The following SUGCT variants were observed in gnomAD, a reference collection of about 807,000 sequenced individuals.
The protein encoded by SUGCT is succinyl-CoA:glutarate CoA-transferase.
A neutral mutation model predicts 55.0 loss-of-function variants in SUGCT; 41 were observed. That is an observed-to-expected ratio of 0.74 (90% CI 0.58 to 0.97). The LOEUF (loss-of-function observed/expected upper bound fraction) is 0.97. SUGCT is among the 50% of genes least tolerant of loss of function. The probability of loss-of-function intolerance (pLI) is 0.00; values close to 1 mark genes in which losing one functional copy is unlikely to be tolerated. For synonymous variants in SUGCT, 187 were observed against 200.4 expected, an observed-to-expected ratio of 0.93 and a Z score of 0.56; for missense variants, 568 against 547.8, an observed-to-expected ratio of 1.04 and a Z score of -0.37.
At chr7:40,716,399 G>A (rs1174023543) in intron 12 of SUGCT, among the ~76,000 whole-genome samples, 1 of 152,196 alleles carries the variant, frequency 6.6e-6, no homozygotes, top group Non-Finnish European at 1.5e-5. Context: ...TGTCATCTCT[G>A]CAGAAGGTCC....
intron 6 of SUGCT, among the ~76,000 whole-genome samples, chr7:40,207,035 T>C (rs1787014730): frequency 2.6e-5 from 4 of 151,600 alleles, no homozygotes; most frequent in Admixed American, 2.6e-4. Context: ...TCTGACTCTA[T>C]AAAAAATAAA....
At chr7:40,651,272 A>C (rs1488064553) in intron 12 of SUGCT, among the ~76,000 whole-genome samples, 2 of 152,208 alleles carry the variant, frequency 1.3e-5, no homozygotes, top group Admixed American at 1.3e-4. Flanking sequence ...TTGGCTTCTT[A>C]ATAATCACCA....
the SUGCT span, among the ~76,000 whole-genome samples, chr7:40,866,712 GT>G: frequency 6.6e-6 from 1 of 151,788 alleles, no homozygotes; most frequent in Non-Finnish European, 1.5e-5. Flanking sequence ...AGTCCCAAAC[GT>G]TTTGTCTCAT....
chr7:40,911,932 G>C, the SUGCT span, among the ~76,000 whole-genome samples: 1 of 152,122 alleles, frequency 6.6e-6, no homozygotes, highest in Non-Finnish European at 1.5e-5. Context: ...ACAGGTGTCA[G>C]CTAATCATAT....
In SUGCT at chr7:40,731,797, G is replaced by C. The variant is rs913765950; in HGVS notation, c.1090-17637G>C. Among the ~76,000 whole-genome samples the C allele has an allele frequency of 3.9e-5, 6 of 152,152 alleles. No individual in the cohort carries two copies. The South Asian group carries it at 8.3e-4, about 21-fold the overall frequency. On this transcript the variant is annotated intron_variant, in intron 12 of 13. Transcript: ENST00000335693. ...GATGAAAACAATAATATTTCTTTATGAAAATAGCTGCAATAGAATACCATC... is the reference window on the plus strand; with the variant it reads ...GATGAAAACAATAATATTTCTTTATCAAAATAGCTGCAATAGAATACCATC...
At chr7:40,847,012 C>T (rs907972188) in intron 13 of SUGCT, among the ~76,000 whole-genome samples, 3 of 152,200 alleles carry the variant, frequency 2.0e-5, no homozygotes, top group African/African-American at 7.2e-5. Flanking sequence ...CTAGTATCAT[C>T]ATTCCACTGG....
intron 12 of SUGCT, among the ~76,000 whole-genome samples, chr7:40,650,925 T>C (rs1436118436): frequency 1.3e-5 from 2 of 152,190 alleles, no homozygotes; most frequent in Admixed American, 6.5e-5. Context: ...TGTGTCCATG[T>C]GTTCTCATTG....
At chr7:41,029,467 T>C in the SUGCT span, among the ~76,000 whole-genome samples, 6 of 152,132 alleles carry the variant, frequency 3.9e-5, no homozygotes, top group Admixed American at 2.0e-4. Flanking sequence ...GATGGATGGA[T>C]GTCCATGAAA....
intron 8 of SUGCT, 81 bp downstream of exon 8, chr7:40,274,737 A>T: frequency 7.6e-7 from 1 of 1,315,748 alleles, no homozygotes; most frequent in Non-Finnish European, 1.1e-6. Flanking sequence ...TTCTATGGTC[A>T]CATGTACAAA....
At chr7:40,725,843 T>TA (rs1426585598) in intron 12 of SUGCT, among the ~76,000 whole-genome samples, 2 of 152,114 alleles carry the variant, frequency 1.3e-5, no homozygotes, top group African/African-American at 2.4e-5. Context: ...AACCCTTTTA[T>TA]AGCCTTGATT....
At chr7:40,700,208 C>A (rs1435025183) in intron 12 of SUGCT, among the ~76,000 whole-genome samples, 1 of 152,072 alleles carries the variant, frequency 6.6e-6, no homozygotes, top group Non-Finnish European at 1.5e-5. Flanking sequence ...TGCCTTACAC[C>A]CTGTGTTTTA....
At chr7:40,829,897 A>C (rs376843356) in intron 13 of SUGCT, among the ~76,000 whole-genome samples, 1 of 152,202 alleles carries the variant, frequency 6.6e-6, no homozygotes, top group Admixed American at 6.5e-5. Flanking sequence ...TTCATGTAGC[A>C]TGTGGCAAAC....
chr7:41,002,067 C>T, the SUGCT span, among the ~76,000 whole-genome samples: 1 of 152,150 alleles, frequency 6.6e-6, no homozygotes, highest in East Asian at 1.9e-4. Context: ...GTTGCCAAGG[C>T]TGGAGTGCGG....
At chr7:40,411,898 C>T (rs1011202726) in intron 9 of SUGCT, among the ~76,000 whole-genome samples, 1 of 152,080 alleles carries the variant, frequency 6.6e-6, no homozygotes, top group Non-Finnish European at 1.5e-5. Flanking sequence ...ATATGTACAT[C>T]TATTATGACT....
intron 12 of SUGCT, among the ~76,000 whole-genome samples, chr7:40,718,244 T>C (rs970533639): frequency 1.3e-5 from 2 of 152,238 alleles, no homozygotes; most frequent in African/African-American, 4.8e-5. Context: ...ATTAAGACTC[T>C]AACCTCTGCA....
chr7:40,819,039 G>A (rs763562479), intron 13 of SUGCT, among the ~76,000 whole-genome samples: 9 of 151,750 alleles, frequency 5.9e-5, no homozygotes, highest in Non-Finnish European at 1.3e-4. Context: ...ATAGTTTGCC[G>A]AGAATGATGG....
At chr7:40,479,508 C>T (rs1790905476) in intron 11 of SUGCT, among the ~76,000 whole-genome samples, 1 of 152,088 alleles carries the variant, frequency 6.6e-6, no homozygotes, top group African/African-American at 2.4e-5. Flanking sequence ...AATTACTTAG[C>T]AATGCATTTC....
chr7:40,220,432 T>A (rs1584377808), intron 6 of SUGCT, among the ~76,000 whole-genome samples: 1 of 152,224 alleles, frequency 6.6e-6, no homozygotes, highest in African/African-American at 2.4e-5. Context: ...TATTGGTTCA[T>A]GACTTTTTGA....
At chr7:40,909,324 A>G in the SUGCT span, among the ~76,000 whole-genome samples, 1 of 152,172 alleles carries the variant, frequency 6.6e-6, no homozygotes, top group Non-Finnish European at 1.5e-5. Flanking sequence ...TTGGTTTCTG[A>G]GTGCGACTGG....
Sources: allele counts gnomAD v4.1 joint callset (sites outside exome capture counted in the v4.1 genomes callset), GRCh38; gene constraint gnomAD v4.1.1; transcripts MANE v1.5; gene names NCBI Gene and HGNC (gene_info 2026-07-23, HGNC 2026-07-21).